The following PWWP2B variants were observed in gnomAD, a reference collection of about 807,000 sequenced individuals.
PWWP2B encodes the protein PWWP domain-containing protein 2B.
Under a neutral mutation model 15.5 loss-of-function variants are expected in PWWP2B, and 9 were observed. The observed-to-expected ratio is 0.58, with a 90% CI of 0.35 to 1.02. The LOEUF (loss-of-function observed/expected upper bound fraction) is 1.02. Ranked by LOEUF, PWWP2B falls within the 50% of genes least tolerant of loss-of-function variation. The pLI is 0.02. For missense variants in PWWP2B, 864 were observed against 865.3 expected (o/e 1.00, Z 0.02); for synonymous variants, 474 against 403.6 (o/e 1.17, Z -2.09).
intron 2 of PWWP2B, among the ~76,000 whole-genome samples, chr10:132,413,712 TCTC>T (rs2069810718): frequency 1.3e-5 from 2 of 152,284 alleles, no homozygotes; most frequent in South Asian, 2.1e-4. Flanking sequence ...CACGCCGGCT[TCTC>T]CTCCCCGCCC....
Position 132,417,201 on chromosome 10 carries a change from G to A in PWWP2B, c.*157G>A. ...GTGTGAGGCCCCCCGGGGACCGGCA[G>A]TGTGTCCAGGGAGGGGATGGCCCTG... is the stretch of plus-strand genomic sequence containing the variant. On this transcript the variant is annotated 3_prime_UTR_variant, in exon 3 of 3. Transcript: ENST00000305233. The A allele has an allele frequency of 1.8e-6, 2 of 1,082,086 alleles. No individual in the cohort carries two copies. The highest frequency in any genetic ancestry group is 1.3e-5 in the South Asian group (1 of 79,054). 67.0% of individuals were successfully genotyped at this position (1,082,086 alleles called of 1,614,324 possible).
chr10:132,414,634 G>A (rs1318727604), intron 2 of PWWP2B, among the ~76,000 whole-genome samples: 1 of 152,234 alleles, frequency 6.6e-6, no homozygotes, highest in Non-Finnish European at 1.5e-5. Context: ...TGTCAGCCGT[G>A]GAGTGGGTGG....
intron 1 of PWWP2B, among the ~76,000 whole-genome samples, chr10:132,404,313 A>G (rs745747070): frequency 6.6e-6 from 1 of 151,866 alleles, no homozygotes; most frequent in Non-Finnish European, 1.5e-5. Context: ...TGGGGTCCAC[A>G]TGTCCCCTGG....
At chr10:132,407,838 C>G (rs1282793530) in intron 2 of PWWP2B, among the ~76,000 whole-genome samples, 6 of 152,306 alleles carry the variant, frequency 3.9e-5, no homozygotes, top group Admixed American at 3.9e-4. Context: ...AGCCAGGGCA[C>G]CATCTTCTGA....
In PWWP2B at chr10:132,405,548, C is replaced by T. The variant is rs1259052156; in HGVS notation, c.1048C>T (p.Arg350Trp). Reference sequence around the variant, plus strand: ...GGACAGCGAGCACGAGCCCGTGTACCGGGCCGAGCTGGTGGGGGAGCTGAA... The same window carrying T: ...GGACAGCGAGCACGAGCCCGTGTACTGGGCCGAGCTGGTGGGGGAGCTGAA... ...LGDSEHEPVYRAELVGELNGY... is the reference protein window; with the variant it reads ...LGDSEHEPVYWAELVGELNGY... The change falls in exon 2 of 3, where the codon CGG (arginine) becomes TGG (tryptophan). Residue 350 changes from arginine (R) to tryptophan (W), a missense_variant. Transcript: ENST00000305233. 1.9e-6 allele frequency: 3 copies of T among 1,604,972 alleles called. No individual in the cohort carries two copies. Among genetic ancestry groups the T allele is most frequent in the African/African-American group, 1.3e-5 (1 of 74,906 alleles).
rs998367314 is a variant in PWWP2B at position 132,417,770 on chromosome 10, G to A, written c.*726G>A. ...CCGGGCTTCAACAGTACAAGGAAAA[G>A]AAACTTGCTCTGTTTTGTAAGAGCG... On this transcript the variant is annotated 3_prime_UTR_variant, in exon 3 of 3. Coordinates refer to ENST00000305233, the MANE Select transcript of PWWP2B (RefSeq NM_138499.4). The A allele has an allele frequency of 1.3e-5, 2 of 152,260 alleles. No homozygotes were observed. The highest frequency in any genetic ancestry group is 1.3e-4 in the Admixed American group (2 of 15,286). 9.4% of individuals were successfully genotyped at this position (152,260 alleles called of 1,614,324 possible).
chr10:132,416,872 C>G (rs879178910), intron 2 of PWWP2B, among the ~76,000 whole-genome samples, 189 bp from the exon 3 acceptor site: 2 of 152,134 alleles, frequency 1.3e-5, no homozygotes, highest in South Asian at 4.1e-4. Flanking sequence ...AGACCCTGCA[C>G]TCTCTCCCAG....
In PWWP2B at chr10:132,405,548, C is replaced by A. The variant is rs1259052156; in HGVS notation, c.1048C>A (p.Arg350=). The A allele has an allele frequency of 6.2e-7, 1 of 1,604,972 alleles. No homozygotes were observed. Among genetic ancestry groups the A allele is most frequent in the East Asian group, 2.2e-5 (1 of 44,856 alleles). Residue 350 remains arginine (R), a synonymous_variant, in exon 2 of 3, where the codon CGG becomes AGG. Coordinates refer to ENST00000305233, the MANE Select transcript of PWWP2B (RefSeq NM_138499.4). ...LGDSEHEPVY[R]AELVGELNGY... is the part of the protein sequence containing the mutation. The stretch of plus-strand genomic sequence containing the variant: ...GGACAGCGAGCACGAGCCCGTGTAC[C>A]GGGCCGAGCTGGTGGGGGAGCTGAA...
At chr10:132,400,617 C>T (rs1485065166) in intron 1 of PWWP2B, among the ~76,000 whole-genome samples, 1 of 152,170 alleles carries the variant, frequency 6.6e-6, no homozygotes, top group Non-Finnish European at 1.5e-5. Flanking sequence ...CCCACTGCCC[C>T]CAGCAGGCCT....
At chr10:132,408,565 C>G (rs2069733842) in intron 2 of PWWP2B, among the ~76,000 whole-genome samples, 1 of 152,158 alleles carries the variant, frequency 6.6e-6, no homozygotes, top group South Asian at 2.1e-4. Flanking sequence ...AGGTCGTCCT[C>G]CCAGCTCCCG....
intron 2 of PWWP2B, among the ~76,000 whole-genome samples, chr10:132,411,690 C>G (rs1158005306): frequency 6.6e-6 from 1 of 152,228 alleles, no homozygotes; most frequent in Non-Finnish European, 1.5e-5. Flanking sequence ...CTGCCCGGCA[C>G]TGGAGTGCTG....
At position 132,406,205 on chromosome 10, in the gene PWWP2B, G is replaced by C; in HGVS notation, c.1705G>C (p.Glu569Gln). ...GGGGATGTATCGGAAAGCTATAACCGAGGCTGCAAATGCCGCAAGACACGT... is the reference window on the plus strand; with the variant it reads ...GGGGATGTATCGGAAAGCTATAACCCAGGCTGCAAATGCCGCAAGACACGT... ...KKGMYRKAIT[E>Q]AANAARHVAP... is the part of the protein sequence containing the mutation. The change falls in exon 2 of 3, where the codon GAG (glutamate) becomes CAG (glutamine). Residue 569 changes from glutamate to glutamine, a missense_variant. This residue lies in a region of PWWP2B where 128 missense variants were observed against 177.6 expected (regional missense o/e 0.72). Transcript: ENST00000305233. 1 of 1,613,056 alleles carries C rather than the reference G, an allele frequency of 6.2e-7. No individual in the cohort carries two copies. Among genetic ancestry groups the C allele is most frequent in the East Asian group, 2.2e-5 (1 of 44,874 alleles).
chr10:132,402,836 C>T (rs1418786900), intron 1 of PWWP2B, among the ~76,000 whole-genome samples: 3 of 152,212 alleles, frequency 2.0e-5, no homozygotes, highest in Non-Finnish European at 2.9e-5. Context: ...TCACGGACAG[C>T]GTATAAAGGA....
intron 2 of PWWP2B, among the ~76,000 whole-genome samples, chr10:132,409,806 C>T: frequency 6.6e-6 from 1 of 152,210 alleles, no homozygotes; most frequent in East Asian, 1.9e-4. Flanking sequence ...GCAGAGCATC[C>T]AGCGAGAAAC....
intron 2 of PWWP2B, among the ~76,000 whole-genome samples, chr10:132,416,125 G>A (rs558374194): frequency 2.6e-5 from 4 of 152,188 alleles, no homozygotes; most frequent in Admixed American, 6.5e-5. Flanking sequence ...TGGCCTCTCC[G>A]CGGGGCCGGG....
chr10:132,415,724 C>T (rs1424071262), intron 2 of PWWP2B, among the ~76,000 whole-genome samples: 1 of 149,772 alleles, frequency 6.7e-6, no homozygotes, highest in Non-Finnish European at 1.5e-5. Context: ...CTCACACACA[C>T]ATCCACTCAC....
intron 2 of PWWP2B, among the ~76,000 whole-genome samples, chr10:132,407,043 G>C (rs1475155825): frequency 6.6e-6 from 1 of 152,148 alleles, no homozygotes; most frequent in Non-Finnish European, 1.5e-5. Flanking sequence ...GTGCCTGGGG[G>C]GCACTACGCT....
intron 2 of PWWP2B, among the ~76,000 whole-genome samples, chr10:132,409,439 G>A (rs959978699): frequency 1.3e-5 from 2 of 152,188 alleles, no homozygotes; most frequent in African/African-American, 4.8e-5. Context: ...TGCCTGGCCA[G>A]GCTTGTCCTG....
intron 1 of PWWP2B, among the ~76,000 whole-genome samples, chr10:132,402,323 T>G (rs2069625194): frequency 6.6e-6 from 1 of 152,222 alleles, no homozygotes; most frequent in Non-Finnish European, 1.5e-5. Context: ...CCTCTGGCTG[T>G]CGTAGCCACC....
Sources: gnomAD v4.1 joint callset for allele counts (sites outside exome capture counted in the v4.1 genomes callset) on GRCh38, gnomAD v4.1.1 for gene constraint, gnomAD v4.1.1 regional missense constraint, MANE v1.5 for transcripts, NCBI Gene and HGNC (gene_info 2026-07-23, HGNC 2026-07-21) for gene names.